The following ARPP21 variants were observed in gnomAD, a reference collection of about 807,000 sequenced individuals.
ARPP21 encodes cAMP regulated phosphoprotein 21.
A neutral mutation model predicts 113.2 loss-of-function variants in ARPP21; 69 were observed. The ratio of observed to expected loss-of-function variants is 0.61; its 90% CI spans 0.50 to 0.74. The LOEUF (loss-of-function observed/expected upper bound fraction) is 0.74, where lower values mean the gene tolerates loss of function less well. Among genes scored for constraint, ARPP21 ranks in the 30% least tolerant of loss-of-function variants. The pLI is 0.00. For synonymous variants in ARPP21, 368 were observed against 375.5 expected, an observed-to-expected ratio of 0.98 and a Z score of 0.23; for missense variants, 1,070 against 1,037.4, an observed-to-expected ratio of 1.03 and a Z score of -0.43.
rs750125177 is a variant in ARPP21 at position 35,721,815 on chromosome 3, C to T, written c.1206C>T (p.Thr402=). 4.7e-5 allele frequency: 75 copies of T among 1,607,662 alleles called. No individual in the cohort carries two copies. The highest frequency in any genetic ancestry group is 5.5e-5 in the Non-Finnish European group (65 of 1,176,538). ...RGDSTSSTRS[T]GKLSKAGSES... ...ACAGCACTTCCAGTACTAGGAGTAC[C>T]GGGAAGCTGTCCAAAGCAGGTAGTT... is the stretch of plus-strand genomic sequence containing the variant. The change falls in exon 14 of 21, where the codon ACC becomes ACT. Residue 402 remains threonine, a synonymous_variant. Coordinates refer to ENST00000684406, the MANE Select transcript of ARPP21 (RefSeq NM_001385562.1).
intron 19 of ARPP21, among the ~76,000 whole-genome samples, chr3:35,759,624 AT>A (rs1249863898): frequency 6.8e-6 from 1 of 146,224 alleles, no homozygotes; most frequent in African/African-American, 2.6e-5. Flanking sequence ...AGTATCTGCC[AT>A]TTTTTTCTTT....
intron 19 of ARPP21, among the ~76,000 whole-genome samples, chr3:35,757,587 T>C (rs141092433): frequency 0.011 from 1,603 of 152,238 alleles, 10 homozygotes; most frequent in African/African-American, 0.019. Flanking sequence ...GTGGTGGTTT[T>C]TGTTATGTTT....
At chr3:35,739,713 A>G (rs1170270958) in intron 18 of ARPP21, 136 bp downstream of exon 18, 3 of 1,221,850 alleles carry the variant, frequency 2.5e-6, no homozygotes, top group Non-Finnish European at 3.3e-6. Flanking sequence ...CACCAACAGG[A>G]AGTAGTATAT....
Position 35,717,373 on chromosome 3 carries a change from T to C in ARPP21, c.995+16T>C, listed in dbSNP as rs2092556973. The C allele has an allele frequency of 3.3e-6, 5 of 1,526,638 alleles. No individual in the cohort carries two copies. The highest frequency in any genetic ancestry group is 4.5e-6 in the Non-Finnish European group (5 of 1,101,214). 94.6% of individuals were successfully genotyped at this position (1,526,638 alleles called of 1,614,324 possible). On this transcript the variant is annotated intron_variant, in intron 13 of 20. Coordinates refer to ENST00000684406, the MANE Select transcript of ARPP21 (RefSeq NM_001385562.1). ...AGCTCTTTCGGTTGGTATGGTTTAC[T>C]TTCTTAAACTGTGTTTTTTTCAAAT...
Position 35,794,192 on chromosome 3 carries a change from T to C in ARPP21, c.*234T>C. 3 of 563,352 alleles carry C rather than the reference T, an allele frequency of 5.3e-6. No individual in the cohort carries two copies. In the South Asian group the frequency reaches 6.7e-5, roughly 13 times the overall value. The allele number at this position is 563,352 out of a possible 1,614,324, so 34.9% of individuals were successfully genotyped here. ...TAGCTTAGCTAGTGACATGAATTCA[T>C]CAAGGTAAGATTTTCTCCTACCACT... is the stretch of plus-strand genomic sequence containing the variant. On this transcript the variant is annotated 3_prime_UTR_variant, in exon 21 of 21. Coordinates refer to ENST00000684406, the MANE Select transcript of ARPP21 (RefSeq NM_001385562.1).
chr3:35,751,077 C>T (rs1157454508), intron 19 of ARPP21, among the ~76,000 whole-genome samples: 1 of 152,062 alleles, frequency 6.6e-6, no homozygotes. Flanking sequence ...TTCTTGAATG[C>T]CGTGAAGATA....
At chr3:35,700,713 G>A (rs980782192) in intron 9 of ARPP21, among the ~76,000 whole-genome samples, 1 of 151,688 alleles carries the variant, frequency 6.6e-6, no homozygotes, top group African/African-American at 2.4e-5. Context: ...TGTCAAAGTA[G>A]CACCAGAGAG....
chr3:35,641,390 A>T (rs1698026430), intron 1 of ARPP21: 1 of 152,228 alleles, frequency 6.6e-6, no homozygotes, highest in Admixed American at 6.5e-5. Flanking sequence ...AAGTAAACAG[A>T]GAAGTGGAGA....
intron 1 of ARPP21, among the ~76,000 whole-genome samples, chr3:35,661,970 G>T (rs1207402297): frequency 6.6e-6 from 1 of 152,092 alleles, no homozygotes; most frequent in Non-Finnish European, 1.5e-5. Context: ...AGCTATTGGT[G>T]ATTTTAAAAT....
intron 19 of ARPP21, among the ~76,000 whole-genome samples, chr3:35,758,526 C>A (rs1559873435): frequency 6.6e-6 from 1 of 151,862 alleles, no homozygotes; most frequent in African/African-American, 2.4e-5. Flanking sequence ...ACCTCAAGTG[C>A]CTCTCTGAAT....
chr3:35,678,814 A>C (rs531667481), intron 1 of ARPP21: 3 of 151,960 alleles, frequency 2.0e-5, no homozygotes, highest in African/African-American at 7.2e-5. Flanking sequence ...AAACTACGTA[A>C]CTGGGATGCA....
Position 35,744,895 on chromosome 3 carries a change from T to C in ARPP21, c.2137+930T>C, listed in dbSNP as rs149973495. The stretch of plus-strand genomic sequence containing the variant: ...TAACCTATGAGAAAAGTGCAGTTCT[T>C]GCCAAGGATTAGCACCAATCACAGA... On this transcript the variant is annotated intron_variant, in intron 19 of 20. Transcript: ENST00000684406. 3.5e-3 allele frequency among the ~76,000 whole-genome samples: 530 copies of C among 152,348 alleles called. 2 individuals carry two copies. Among genetic ancestry groups the C allele is most frequent in the African/African-American group, 0.012 (503 of 41,574 alleles).
chr3:35,698,919 A>G (rs866827513), intron 9 of ARPP21, among the ~76,000 whole-genome samples: 6 of 151,738 alleles, frequency 4.0e-5, no homozygotes, highest in Non-Finnish European at 8.9e-5. Flanking sequence ...TTGCCTTGGC[A>G]TACTTAGAAG....
At chr3:35,774,884 A>C (rs2096308931) in intron 19 of ARPP21, 1 of 152,180 alleles carries the variant, frequency 6.6e-6, no homozygotes, top group Non-Finnish European at 1.5e-5. Context: ...TAAATATTAA[A>C]TGTCAGTGTC....
At chr3:35,700,525 A>G (rs2085949899) in intron 9 of ARPP21, among the ~76,000 whole-genome samples, 1 of 151,610 alleles carries the variant, frequency 6.6e-6, no homozygotes, top group African/African-American at 2.4e-5. Flanking sequence ...AAAAAAAAAA[A>G]GTACACCAAT....
intron 9 of ARPP21, among the ~76,000 whole-genome samples, chr3:35,695,335 T>C (rs1013255537): frequency 7.9e-5 from 12 of 151,716 alleles, no homozygotes; most frequent in Admixed American, 5.9e-4. Context: ...GACAAAACTT[T>C]CCAGATACTG....
intron 5 of ARPP21, chr3:35,685,587 G>A (rs2149528586): frequency 6.1e-6 from 6 of 985,248 alleles, no homozygotes; most frequent in East Asian, 1.1e-4. Flanking sequence ...CTTCCCCAAT[G>A]TTTGTAAATT....
At chr3:35,722,880 A>G (rs1302199133) in intron 14 of ARPP21, among the ~76,000 whole-genome samples, 2 of 152,214 alleles carry the variant, frequency 1.3e-5, no homozygotes, top group African/African-American at 2.4e-5. Context: ...CACAATTAAA[A>G]TACCTCCTAA....
At chr3:35,709,415 T>G (rs1027493495) in intron 11 of ARPP21, among the ~76,000 whole-genome samples, 16 of 152,342 alleles carry the variant, frequency 1.1e-4, no homozygotes, top group African/African-American at 3.8e-4. Context: ...AGTGTTGTTT[T>G]CTTTTTAATA....
Sources: gnomAD v4.1 joint callset for allele counts (sites outside exome capture counted in the v4.1 genomes callset) on GRCh38, gnomAD v4.1.1 for gene constraint, MANE v1.5 for transcripts, NCBI Gene and HGNC (gene_info 2026-07-23, HGNC 2026-07-21) for gene names.